Variants in EFCAB3 observed in about 807,000 individuals in gnomAD.
EFCAB3 encodes the protein EF-hand calcium binding domain 3, also known as EF-hand calcium-binding domain-containing protein 3.
EFCAB3 carries 36 observed loss-of-function variants against 42.2 expected under a neutral mutation model. That is an observed-to-expected ratio of 0.85 (90% CI 0.65 to 1.13). The LOEUF (loss-of-function observed/expected upper bound fraction) is 1.13. EFCAB3 is among the 50% of genes most tolerant of loss of function. The pLI, the probability that EFCAB3 is intolerant of heterozygous loss-of-function variation, is 0.00. For synonymous variants in EFCAB3, 170 were observed against 172.8 expected (o/e 0.98, Z 0.13); for missense variants, 418 against 505.1 (o/e 0.83, Z 1.65).
intron 1 of EFCAB3, among the ~76,000 whole-genome samples, chr17:62,372,926 T>C (rs7342849): frequency 0.061 from 9,355 of 152,246 alleles, 925 homozygotes; most frequent in African/African-American, 0.21. Flanking sequence ...TTCCTTCTTA[T>C]TTTTGTCCCT....
chr17:62,402,464 A>G (rs1439491848), intron 6 of EFCAB3, among the ~76,000 whole-genome samples: 1 of 152,174 alleles, frequency 6.6e-6, no homozygotes, highest in Non-Finnish European at 1.5e-5. Context: ...AATACGTCCC[A>G]TCAATACCTA....
upstream of EFCAB3, among the ~76,000 whole-genome samples, chr17:62,375,814 T>A (rs983695542): frequency 5.3e-5 from 8 of 152,200 alleles, no homozygotes; most frequent in Non-Finnish European, 1.0e-4. Context: ...TACTTTTCTA[T>A]CATTCTTCTT....
At chr17:62,370,366 A>G in intron 1 of EFCAB3, 1 of 1,546,822 alleles carries the variant, frequency 6.5e-7, no homozygotes, top group Non-Finnish European at 8.8e-7. Context: ...TTAGAAGTGT[A>G]TTTTTGGGCT....
intron 6 of EFCAB3, among the ~76,000 whole-genome samples, chr17:62,401,856 T>C (rs1269791129): frequency 6.6e-6 from 1 of 152,222 alleles, no homozygotes. Context: ...GGGGATGGCA[T>C]TGAATCTATA....
intron 1 of EFCAB3, among the ~76,000 whole-genome samples, chr17:62,373,624 A>G (rs1233393523): frequency 2.0e-5 from 3 of 152,222 alleles, no homozygotes; most frequent in Admixed American, 2.0e-4. Flanking sequence ...AGCCAAAACA[A>G]AAGTTCATCT....
rs544414465 is a variant in EFCAB3 at position 62,407,043 on chromosome 17, C to T, written c.698C>T (p.Ser233Leu). The change falls in exon 8 of 10, where the codon TCA (serine) becomes TTA (leucine). Residue 233 changes from serine to leucine, a missense_variant. By Grantham distance (145) the Ser-to-Leu change is moderately radical. Transcript: ENST00000305286. ...LEELKRCNSGSDSPYSKIPIF... is the reference protein window; with the variant it reads ...LEELKRCNSGLDSPYSKIPIF... ...ATCTTTTTAGGATGCAATTCCGGTT[C>T]AGATAGCCCATATTCAAAAATACCC... 18 of 1,578,510 alleles carry T rather than the reference C, an allele frequency of 1.1e-5. No homozygotes were observed. The East Asian group carries it at 4.0e-4, about 35-fold the overall frequency.
intron 6 of EFCAB3, among the ~76,000 whole-genome samples, chr17:62,401,045 T>C (rs1320732022): frequency 6.6e-6 from 1 of 152,226 alleles, no homozygotes; most frequent in Non-Finnish European, 1.5e-5. Context: ...CCAGTGATGA[T>C]GAGCATTTTT....
At chr17:62,377,129 A>G (rs2070157092), upstream of EFCAB3, among the ~76,000 whole-genome samples, 1 of 152,144 alleles carries the variant, frequency 6.6e-6, no homozygotes, top group Non-Finnish European at 1.5e-5. Context: ...TCTACAGATT[A>G]TGTGTTTCAT....
chr17:62,414,254 C>T (rs1298746374), intron 9 of EFCAB3, among the ~76,000 whole-genome samples: 1 of 152,266 alleles, frequency 6.6e-6, no homozygotes, highest in East Asian at 1.9e-4. Context: ...GGCTAAGAAG[C>T]TTGAGAAGAT....
chr17:62,383,292 G>A (rs2070220247), intron 2 of EFCAB3: 1 of 323,010 alleles, frequency 3.1e-6, no homozygotes, highest in Non-Finnish European at 5.6e-6. Context: ...TGGCCAACAT[G>A]GTGAAACTCC....
At chr17:62,390,123 T>C (rs1439907290) in intron 3 of EFCAB3, among the ~76,000 whole-genome samples, 2 of 152,026 alleles carry the variant, frequency 1.3e-5, no homozygotes, top group East Asian at 3.9e-4. Flanking sequence ...AAGAGACAAA[T>C]GGCAGAGGTA....
At position 62,391,865 on chromosome 17, in the gene EFCAB3, C is replaced by CT. The variant is rs1216239510; in HGVS notation, c.196dup (p.Cys66LeufsTer3). 1.9e-6 allele frequency: 3 copies of CT among 1,613,626 alleles called. No homozygotes were observed. The African/African-American group carries it at 4.0e-5, about 22-fold the overall frequency. ...ACTTCTTCTACAAGGACAAAACTGG[C>CT]TGTATTGATTTCCATGGACTGATGT... On this transcript the variant is annotated frameshift_variant, in exon 4 of 10. Transcript: ENST00000305286. LOFTEE classifies it high-confidence loss of function.
intron 3 of EFCAB3, among the ~76,000 whole-genome samples, chr17:62,391,062 A>G (rs1186510150): frequency 6.6e-6 from 1 of 152,162 alleles, no homozygotes; most frequent in African/African-American, 2.4e-5. Flanking sequence ...AATTGCCACA[A>G]ACATAACAGC....
chr17:62,387,993 T>TG (rs2070269291), intron 3 of EFCAB3, among the ~76,000 whole-genome samples: 1 of 152,022 alleles, frequency 6.6e-6, no homozygotes, highest in Non-Finnish European at 1.5e-5. Context: ...GCCGATCACC[T>TG]GAGGTCAGGA....
chr17:62,414,586 T>A (rs2070528583), intron 9 of EFCAB3, among the ~76,000 whole-genome samples: 1 of 6,186 alleles, frequency 1.6e-4, no homozygotes. Flanking sequence ...GTTTGTTTTG[T>A]GTGTGTGTGT....
At chr17:62,372,694 T>C (rs2070122716) in intron 1 of EFCAB3, among the ~76,000 whole-genome samples, 1 of 152,226 alleles carries the variant, frequency 6.6e-6, no homozygotes, top group Admixed American at 6.5e-5. Context: ...GTTTCATTTA[T>C]CTCTCTGTAT....
intron 7 of EFCAB3, 65 bp from the exon 8 acceptor site, chr17:62,406,963 C>G (rs886932116): frequency 6.7e-7 from 1 of 1,500,450 alleles, no homozygotes; most frequent in African/African-American, 1.4e-5. Context: ...GCACCACATG[C>G]TGGTCTTTTA....
At chr17:62,397,270 G>T in intron 6 of EFCAB3, 1 of 235,196 alleles carries the variant, frequency 4.3e-6, no homozygotes, top group Non-Finnish European at 8.3e-6. Flanking sequence ...TATAAATGGA[G>T]ACAATTTGAG....
intron 8 of EFCAB3, among the ~76,000 whole-genome samples, chr17:62,412,284 G>A (rs1438689336): frequency 6.8e-6 from 1 of 146,470 alleles, no homozygotes; most frequent in Non-Finnish European, 1.5e-5. Context: ...GCTGAGGCAG[G>A]AGAATCACTT....
Sources: gnomAD v4.1 joint callset for allele counts (sites outside exome capture counted in the v4.1 genomes callset) on GRCh38, gnomAD v4.1.1 for gene constraint, MANE v1.5 for transcripts, NCBI Gene and HGNC (gene_info 2026-07-23, HGNC 2026-07-21) for gene names.